Variants in ANTXR2 observed in about 807,000 individuals in gnomAD.
The protein encoded by ANTXR2 is ANTXR cell adhesion molecule 2, also known as anthrax toxin receptor 2.
ANTXR2 carries 44 observed loss-of-function variants against 73.7 expected under a neutral mutation model. The ratio of observed to expected loss-of-function variants is 0.60; its 90% CI spans 0.47 to 0.77. The LOEUF (loss-of-function observed/expected upper bound fraction) is 0.77, where lower values mean the gene tolerates loss of function less well. Among genes scored for constraint, ANTXR2 ranks in the 30% least tolerant of loss-of-function variants. The probability of loss-of-function intolerance (pLI) is 0.00; values close to 1 mark genes in which losing one functional copy is unlikely to be tolerated. For missense variants in ANTXR2, 604 were observed against 592.5 expected (o/e 1.02, Z -0.20); for synonymous variants, 217 against 205.9 (o/e 1.05, Z -0.46).
chr4:80,045,578 G>C (rs898387256), intron 7 of ANTXR2, among the ~76,000 whole-genome samples: 2 of 141,064 alleles, frequency 1.4e-5, no homozygotes, highest in African/African-American at 5.1e-5. Flanking sequence ...AAAAAAGCAA[G>C]GTTTTTTTTT....
At chr4:79,934,717 A>G (rs1728190997) in intron 16 of ANTXR2, among the ~76,000 whole-genome samples, 1 of 152,168 alleles carries the variant, frequency 6.6e-6, no homozygotes. Flanking sequence ...AGGAAACGCC[A>G]TGCATTGCTA....
chr4:79,984,689 T>C, intron 13 of ANTXR2, 130 bp downstream of exon 13: 1 of 810,542 alleles, frequency 1.2e-6, no homozygotes, highest in Middle Eastern at 2.3e-4. Flanking sequence ...TAACCACTGA[T>C]TTGTATAAAT....
In ANTXR2 at chr4:80,055,484, A is replaced by G. The variant is rs761502495; in HGVS notation, c.379-17T>C. The stretch of plus-strand genomic sequence containing the variant: ...TTCATTCGCCTGAAAATGAAGAATA[A>G]TTATCCAACTCACAATTTAATTTTA... On this transcript the variant is annotated splice_polypyrimidine_tract_variant and intron_variant, in intron 4 of 16. Transcript: ENST00000403729. 6.3e-7 allele frequency: 1 copy of G among 1,578,578 alleles called. No homozygotes were observed. The highest frequency in any genetic ancestry group is 8.7e-7 in the Non-Finnish European group (1 of 1,151,684).
chr4:80,064,606 G>C (rs1734414340), intron 3 of ANTXR2, among the ~76,000 whole-genome samples: 1 of 152,220 alleles, frequency 6.6e-6, no homozygotes, highest in African/African-American at 2.4e-5. Context: ...AGAGATTACT[G>C]GGGAGGAGAG....
chr4:79,929,239 G>A (rs1465968849), intron 16 of ANTXR2, among the ~76,000 whole-genome samples: 2 of 152,154 alleles, frequency 1.3e-5, no homozygotes, highest in Non-Finnish European at 2.9e-5. Context: ...GGGAGGGCAG[G>A]CGCAGTGGCT....
At chr4:79,996,868 A>T (rs1342502087) in intron 12 of ANTXR2, among the ~76,000 whole-genome samples, 1 of 151,916 alleles carries the variant, frequency 6.6e-6, no homozygotes, top group African/African-American at 2.4e-5. Flanking sequence ...AGTTGCCAGA[A>T]TTTTTTCCAC....
rs567880540 is a variant in ANTXR2, at chr4:80,031,273, CAT to C, written c.866+348_866+349del. 8.9e-3 allele frequency among the ~76,000 whole-genome samples: 546 copies of C among 61,532 alleles called. 5 individuals are homozygous for C. The highest frequency in any genetic ancestry group is 0.016 in the African/African-American group (486 of 29,764). 40.4% of individuals were successfully genotyped at this position (61,532 alleles called of 152,430 possible). ...TGAACTGGGTGTGTGCATGCACACA[CAT>C]GTGTGTGCGTGTGCATGTGTGTGTG... On this transcript the variant is annotated intron_variant, in intron 10 of 16. Coordinates refer to ENST00000403729, the MANE Select transcript of ANTXR2 (RefSeq NM_058172.6).
At chr4:79,980,241 T>C (rs1729829134) in intron 14 of ANTXR2, among the ~76,000 whole-genome samples, 1 of 152,102 alleles carries the variant, frequency 6.6e-6, no homozygotes, top group African/African-American at 2.4e-5. Context: ...ATCATCAACA[T>C]CATCACCACC....
At chr4:79,988,161 T>C (rs1470008614) in intron 12 of ANTXR2, among the ~76,000 whole-genome samples, 1 of 146,060 alleles carries the variant, frequency 6.8e-6, no homozygotes. Flanking sequence ...AGGTACAGAG[T>C]GGCAAGTTGG....
rs1232111624 is a variant in ANTXR2, at chr4:79,912,232, T to C, written c.1429-4765A>G. The stretch of plus-strand genomic sequence containing the variant: ...ATGCTATAGCGAAATACATTTAAAG[T>C]ACATTAATTTAGAAATTATAATTAT... On this transcript the variant is annotated intron_variant, in intron 16 of 16. Transcript: ENST00000403729. 3.9e-5 allele frequency among the ~76,000 whole-genome samples: 6 copies of C among 152,060 alleles called. No homozygotes were observed. In the East Asian group the frequency reaches 1.2e-3, roughly 29 times the overall value.
intron 16 of ANTXR2, among the ~76,000 whole-genome samples, chr4:79,935,680 G>C (rs904658383): frequency 3.3e-5 from 5 of 152,132 alleles, no homozygotes; most frequent in African/African-American, 1.2e-4. Flanking sequence ...TGAGAAGAAA[G>C]TCTTATTTAT....
intron 10 of ANTXR2, among the ~76,000 whole-genome samples, chr4:80,019,433 T>C (rs1732050689): frequency 6.6e-6 from 1 of 152,234 alleles, no homozygotes; most frequent in South Asian, 2.1e-4. Context: ...TCTTCCTTAG[T>C]TCTAGTCTTT....
At chr4:79,908,424 A>G (rs1309353548) in intron 16 of ANTXR2, among the ~76,000 whole-genome samples, 1 of 152,216 alleles carries the variant, frequency 6.6e-6, no homozygotes, top group Non-Finnish European at 1.5e-5. Flanking sequence ...TTCAAAAGCA[A>G]CAAAACATTG....
chr4:79,944,902 G>A (rs979900365), intron 16 of ANTXR2, among the ~76,000 whole-genome samples: 15 of 152,224 alleles, frequency 9.9e-5, no homozygotes, highest in Middle Eastern at 3.4e-3. Flanking sequence ...TTACAGAGTT[G>A]TTTTGTAATT....
chr4:79,982,236 T>C (rs1272320676), intron 14 of ANTXR2, among the ~76,000 whole-genome samples: 1 of 152,166 alleles, frequency 6.6e-6, no homozygotes, highest in African/African-American at 2.4e-5. Flanking sequence ...ATTAAGTTTA[T>C]TATTCTGAAT....
intron 16 of ANTXR2, among the ~76,000 whole-genome samples, chr4:79,956,360 G>T (rs1441338917): frequency 6.6e-6 from 1 of 152,058 alleles, no homozygotes; most frequent in Non-Finnish European, 1.5e-5. Flanking sequence ...ATTGCCCTAA[G>T]TCAGTCAGTT....
intron 12 of ANTXR2, among the ~76,000 whole-genome samples, chr4:80,006,105 A>G (rs1326853128): frequency 6.6e-6 from 1 of 152,164 alleles, no homozygotes; most frequent in Non-Finnish European, 1.5e-5. Flanking sequence ...CAGGTCAGTC[A>G]GGTTTCTCTG....
Position 80,035,937 on chromosome 4 carries a change from T to G in ANTXR2, c.697+35A>C, listed in dbSNP as rs751304760. Reference sequence around the variant, plus strand: ...ATTTTAGCTAGGAAAAAAATACAATTTCTTACATGGTATTTTTAAATTCTA... The same window carrying G: ...ATTTTAGCTAGGAAAAAAATACAATGTCTTACATGGTATTTTTAAATTCTA... On this transcript the variant is annotated intron_variant, in intron 8 of 16. Coordinates refer to ENST00000403729, the MANE Select transcript of ANTXR2 (RefSeq NM_058172.6). The G allele has an allele frequency of 3.4e-6, 5 of 1,484,248 alleles. No individual in the cohort carries two copies. In the South Asian group the frequency reaches 5.2e-5, roughly 15 times the overall value. The allele number at this position is 1,484,248 out of a possible 1,614,324, so 91.9% of individuals were successfully genotyped here. A position where few individuals can be genotyped will look rare whatever the true frequency, so the allele number is the denominator to read the frequency against.
Position 79,995,324 on chromosome 4 carries a change from C to T in ANTXR2, c.1042-10461G>A, listed in dbSNP as rs150502552. ...AAAGTGAAATTGATGGAACTGAGAACGTTCACAAAAAATTATAGTTGATTT... is the reference window on the plus strand; with the variant it reads ...AAAGTGAAATTGATGGAACTGAGAATGTTCACAAAAAATTATAGTTGATTT... On this transcript the variant is annotated intron_variant, in intron 12 of 16. Transcript: ENST00000403729. Among the ~76,000 whole-genome samples, 485 of 136,910 alleles carry T rather than the reference C, an allele frequency of 3.5e-3. 2 individuals carry two copies. The highest frequency in any genetic ancestry group is 5.9e-3 in the Non-Finnish European group (352 of 59,718). 89.8% of individuals were successfully genotyped at this position (136,910 alleles called of 152,430 possible).
Sources: allele counts gnomAD v4.1 joint callset (sites outside exome capture counted in the v4.1 genomes callset), GRCh38; gene constraint gnomAD v4.1.1; transcripts MANE v1.5; gene names NCBI Gene and HGNC (gene_info 2026-07-23, HGNC 2026-07-21).